HTATSF1: variants seen among roughly 807,000 people sequenced by gnomAD.
The protein encoded by HTATSF1 is HIV-1 Tat specific factor 1, also known as 17S U2 SnRNP complex component HTATSF1.
A neutral mutation model predicts 46.1 loss-of-function variants in HTATSF1; 6 were observed. That is an observed-to-expected ratio of 0.13 (90% confidence interval 0.07 to 0.26). The LOEUF (loss-of-function observed/expected upper bound fraction) is 0.26, where lower values mean the gene tolerates loss of function less well. Among genes scored for constraint, HTATSF1 ranks in the 10% least tolerant of loss-of-function variants. The pLI, the probability that HTATSF1 is intolerant of heterozygous loss-of-function variation, is 1.00. For missense variants in HTATSF1, 452 were observed against 559.9 expected, an observed-to-expected ratio of 0.81 and a Z score of 1.94; for synonymous variants, 226 against 211.5, an observed-to-expected ratio of 1.07 and a Z score of -0.60.
rs1373425358 is a variant in HTATSF1, at chrX:136,511,671, T to G, written c.1926T>G (p.Ser642=). The G allele has an allele frequency of 8.3e-7, 1 of 1,210,718 alleles. No individual in the cohort carries two copies. The highest frequency in any genetic ancestry group is 2.2e-5 in the Admixed American group (1 of 45,932). ...ATGAAAAAGTATTTGATGATGAGTCTGATGAGAAAGAGGATGAAGAATATG... is the reference window on the plus strand; with the variant it reads ...ATGAAAAAGTATTTGATGATGAGTCGGATGAGAAAGAGGATGAAGAATATG... ...DTYEKVFDDE[S]DEKEDEEYAD... is the part of the protein sequence containing the mutation. Residue 642 remains serine, a synonymous_variant, in exon 9 of 9, where the codon TCT becomes TCG. Coordinates refer to ENST00000218364, the MANE Select transcript of HTATSF1 (RefSeq NM_014500.5).
At position 136,502,108 on chromosome X, in the gene HTATSF1, T is replaced by C. The variant is rs930293227; in HGVS notation, c.571-670T>C. ...CCTCTGATCTTTGACTCTGTTTGTA[T>C]AGGGCTGATAACTGTCCTTTCTCTA... is the stretch of plus-strand genomic sequence containing the variant. On this transcript the variant is annotated intron_variant, in intron 4 of 8. Coordinates refer to ENST00000218364, the MANE Select transcript of HTATSF1 (RefSeq NM_014500.5). Among the ~76,000 whole-genome samples, 4 of 111,386 alleles carry C rather than the reference T, an allele frequency of 3.6e-5. No individual in the cohort carries two copies. The Admixed American group carries it at 3.8e-4, about 11-fold the overall frequency.
In HTATSF1 at chrX:136,499,607, G is replaced by T. The variant is rs2075708109; in HGVS notation, c.196G>T (p.Asp66Tyr). Residue 66 changes from aspartate to tyrosine, a missense_variant, in exon 2 of 9, where the codon GAT becomes TAT. Around this residue, in one of 3 missense-constraint regions of HTATSF1, gnomAD observed 89 missense variants for 92.3 expected, o/e 0.96. Coordinates refer to ENST00000218364, the MANE Select transcript of HTATSF1 (RefSeq NM_014500.5). Reference sequence around the variant, plus strand: ...TGAATTGCTTGTGTAGATTACTGAAGATTTCATTGCTACATATCAGGCCAA... The same window carrying T: ...TGAATTGCTTGTGTAGATTACTGAATATTTCATTGCTACATATCAGGCCAA... Reference protein sequence around the residue: ...KKAWFPKITEDFIATYQANYG... With the variant: ...KKAWFPKITEYFIATYQANYG... The T allele has an allele frequency of 1.7e-6, 2 of 1,170,829 alleles. No homozygotes were observed. The highest frequency in any genetic ancestry group is 2.3e-6 in the Non-Finnish European group (2 of 879,969).
Position 136,511,846 on chromosome X carries a change from G to T in HTATSF1, c.2101G>T (p.Asp701Tyr), listed in dbSNP as rs1407219992. The change falls in exon 9 of 9, where the codon GAT becomes TAT. Residue 701 changes from aspartate (D) to tyrosine (Y), a missense_variant. Transcript: ENST00000218364. ...TGACGAAAAGTTGTTCGAAGATGATGATTCCAATGAGAAGTTGTTTGATGA... is the reference window on the plus strand; with the variant it reads ...TGACGAAAAGTTGTTCGAAGATGATTATTCCAATGAGAAGTTGTTTGATGA... Reference protein sequence around the residue: ...DADEKLFEDDDSNEKLFDEEE... With the variant: ...DADEKLFEDDYSNEKLFDEEE... The T allele has an allele frequency of 8.3e-7, 1 of 1,209,896 alleles. No individual in the cohort carries two copies. The highest frequency in any genetic ancestry group is 1.7e-5 in the African/African-American group (1 of 57,148).
chrX:136,505,043 T>C (rs767068805), intron 6 of HTATSF1, among the ~76,000 whole-genome samples: 3 of 112,235 alleles, frequency 2.7e-5, no homozygotes, highest in African/African-American at 9.7e-5. Flanking sequence ...CTGAGGAATA[T>C]TGTCATCAAA....
intron 1 of HTATSF1, 140 bp from the exon 2 acceptor site, chrX:136,499,458 C>T: frequency 2.4e-6 from 1 of 418,856 alleles, no homozygotes; most frequent in Non-Finnish European, 3.9e-6. Context: ...GCATTTATAC[C>T]TTAATAACTA....
At chrX:136,509,257 T>C in intron 7 of HTATSF1, 77 bp downstream of exon 7, 2 of 669,025 alleles carry the variant, frequency 3.0e-6, no homozygotes, top group Admixed American at 5.0e-5. Context: ...GATGTTAGTA[T>C]ACCCCTGAAT....
chrX:136,498,125 T>C (rs1377901878), intron 1 of HTATSF1, among the ~76,000 whole-genome samples: 1 of 112,830 alleles, frequency 8.9e-6, no homozygotes, highest in Non-Finnish European at 1.9e-5. Context: ...CAGTTGATTA[T>C]TACATGACTG....
chrX:136,506,810 CT>C (rs1159818597), intron 6 of HTATSF1, among the ~76,000 whole-genome samples: 1 of 112,321 alleles, frequency 8.9e-6, no homozygotes, highest in Non-Finnish European at 1.9e-5. Flanking sequence ...AATAATCTTG[CT>C]TTTGTTCACT....
In HTATSF1 at chrX:136,511,393, G is replaced by A. The variant is rs771981902; in HGVS notation, c.1648G>A (p.Glu550Lys). ...AGATGACTCAGAGAAAGAGTCTGAT[G>A]AAGACTGCTCTGAAAAACAGTCTGA... ...EEDDSEKESDEDCSEKQSEDG... is the reference protein window; with the variant it reads ...EEDDSEKESDKDCSEKQSEDG... Residue 550 changes from glutamate to lysine, a missense_variant, in exon 9 of 9, where the codon GAA becomes AAA. This residue lies in a region of HTATSF1 where 246 missense variants were observed against 245.3 expected (regional missense o/e 1.00). Transcript: ENST00000218364. 59 of 1,211,102 alleles carry A rather than the reference G, an allele frequency of 4.9e-5. No homozygotes were observed. The highest frequency in any genetic ancestry group is 6.6e-5 in the Non-Finnish European group (59 of 895,259).
intron 5 of HTATSF1, among the ~76,000 whole-genome samples, 176 bp downstream of exon 5, chrX:136,503,117 G>T (rs2075726896): frequency 8.9e-6 from 1 of 112,009 alleles, no homozygotes; most frequent in Non-Finnish European, 1.9e-5. Flanking sequence ...CAGTGGTGGG[G>T]ATTTTAATTT....
intron 6 of HTATSF1, among the ~76,000 whole-genome samples, chrX:136,507,785 T>C (rs992359708): frequency 9.0e-6 from 1 of 111,603 alleles, no homozygotes; most frequent in Non-Finnish European, 1.9e-5. Flanking sequence ...ATATTGGCTT[T>C]GTACAAAAGT....
At chrX:136,504,593 G>C (rs1229491491) in intron 6 of HTATSF1, 130 bp downstream of exon 6, 1 of 452,756 alleles carries the variant, frequency 2.2e-6, no homozygotes, top group African/African-American at 2.5e-5. Flanking sequence ...AGTAAAGGAA[G>C]ATGGAGCCAA....
chrX:136,500,119 T>A, intron 2 of HTATSF1, 39 bp from the exon 3 acceptor site: 1 of 868,180 alleles, frequency 1.2e-6, no homozygotes, highest in Non-Finnish European at 1.7e-6. Context: ...TATCTTTTTT[T>A]GCAAGTGTTT....
chrX:136,510,108 G>A lies in HTATSF1; in HGVS notation c.951G>A (p.Val317=). The A allele has an allele frequency of 8.3e-7, 1 of 1,203,965 alleles. No individual in the cohort carries two copies. Among genetic ancestry groups the A allele is most frequent in the Non-Finnish European group, 1.1e-6 (1 of 890,597 alleles). The change falls in exon 8 of 9, where the codon GTG becomes GTA. Residue 317 remains valine (V), a synonymous_variant. Coordinates refer to ENST00000218364, the MANE Select transcript of HTATSF1 (RefSeq NM_014500.5). ...GGCACCCAGATGGTGTGGCCTCTGTGTCCTTTCGGGATCCAGAGGAAGCTG... is the reference window on the plus strand; with the variant it reads ...GGCACCCAGATGGTGTGGCCTCTGTATCCTTTCGGGATCCAGAGGAAGCTG... The part of the protein sequence containing the change: ...FDRHPDGVAS[V]SFRDPEEADY...
chrX:136,510,064 T>C lies in HTATSF1; in HGVS notation c.925-18T>C, dbSNP rs1281613314. ...AATCTTATCATTCATTCCTTTTTTT[T>C]CTTTCTTATCTTTCTAGAGGCACCC... On this transcript the variant is annotated intron_variant, in intron 7 of 8. Coordinates refer to ENST00000218364, the MANE Select transcript of HTATSF1 (RefSeq NM_014500.5). 1.7e-6 allele frequency: 2 copies of C among 1,182,493 alleles called. No homozygotes were observed. Among genetic ancestry groups the C allele is most frequent in the Admixed American group, 4.8e-5 (2 of 41,443 alleles).
chrX:136,504,277 A>G, intron 5 of HTATSF1, 87 bp from the exon 6 acceptor site: 1 of 567,839 alleles, frequency 1.8e-6, no homozygotes. Context: ...TACTCAGTAA[A>G]GTATTGTATG....
At position 136,511,338 on chromosome X, in the gene HTATSF1, G is replaced by A. The variant is rs781362897; in HGVS notation, c.1593G>A (p.Glu531=). Residue 531 remains glutamate (E), a synonymous_variant, in exon 9 of 9, where the codon GAG becomes GAA. Transcript: ENST00000218364. ...SEDDLNKESE[E]EVGPTKESEE... ...ATGACCTCAACAAGGAGTCTGAAGA[G>A]GAGGTTGGCCCCACAAAAGAGTCCG... is the stretch of plus-strand genomic sequence containing the variant. 2 of 1,208,030 alleles carry A rather than the reference G, an allele frequency of 1.7e-6. No individual in the cohort carries two copies. The highest frequency in any genetic ancestry group is 3.6e-5 in the South Asian group (2 of 55,963).
rs3027841 is a variant in HTATSF1, at chrX:136,503,005, C to T, written c.734+64C>T. 25,493 of 763,106 alleles carry T rather than the reference C, an allele frequency of 0.033. 2,518 individuals are homozygous for T. In the African/African-American group the frequency reaches 0.37, roughly 11 times the overall value. The allele number at this position is 763,106 out of a possible 1,213,427, so 62.9% of individuals were successfully genotyped here. ...TCTAGAGTATATTTTTGGTAATAGCCATCTAGTTTTATTCTGTCAAGTGTG... is the reference window on the plus strand; with the variant it reads ...TCTAGAGTATATTTTTGGTAATAGCTATCTAGTTTTATTCTGTCAAGTGTG... On this transcript the variant is annotated intron_variant, in intron 5 of 8. Coordinates refer to ENST00000218364, the MANE Select transcript of HTATSF1 (RefSeq NM_014500.5).
At chrX:136,497,535 C>A, upstream of HTATSF1, 1 of 379,904 alleles carries the variant, frequency 2.6e-6, no homozygotes, top group Non-Finnish European at 4.3e-6. Flanking sequence ...GCCGCGATTT[C>A]CCGGGGACTG....
Sources: allele counts gnomAD v4.1 joint callset (sites outside exome capture counted in the v4.1 genomes callset), GRCh38; gene constraint gnomAD v4.1.1; regional missense constraint gnomAD v4.1.1; transcripts MANE v1.5; gene names NCBI Gene and HGNC (gene_info 2026-07-23, HGNC 2026-07-21).